Variants in CCNJL observed in about 807,000 individuals in gnomAD.
CCNJL encodes cyclin J like.
Under a neutral mutation model 33.4 loss-of-function variants are expected in CCNJL, and 33 were observed. The ratio of observed to expected loss-of-function variants is 0.99; its 90% CI spans 0.75 to 1.32. The LOEUF is 1.32. Ranked by LOEUF, CCNJL falls within the 40% of genes most tolerant of loss-of-function variation. The pLI is 0.00. For missense variants in CCNJL, 512 were observed against 499.7 expected (o/e 1.02, Z -0.23); for synonymous variants, 227 against 220.9 (o/e 1.03, Z -0.24).
At chr5:160,268,445 C>T (rs1027752274) in intron 3 of CCNJL, among the ~76,000 whole-genome samples, 9 of 152,192 alleles carry the variant, frequency 5.9e-5, no homozygotes, top group African/African-American at 2.2e-4. Flanking sequence ...GACATGATGG[C>T]TTAGTGTGCT....
chr5:160,272,557 G>A (rs1369039255), intron 3 of CCNJL, among the ~76,000 whole-genome samples: 1 of 152,230 alleles, frequency 6.6e-6, no homozygotes, highest in Admixed American at 6.5e-5. Context: ...GGACACGGGT[G>A]AGGGGCCGGG....
At chr5:160,335,728 T>C (rs1183752112) in intron 1 of CCNJL, among the ~76,000 whole-genome samples, 4 of 148,958 alleles carry the variant, frequency 2.7e-5, no homozygotes, top group African/African-American at 4.9e-5. Flanking sequence ...AATGCCATCA[T>C]GTCTAATTTT....
At chr5:160,295,412 C>CG (rs1160951622) in intron 2 of CCNJL, among the ~76,000 whole-genome samples, 1 of 152,152 alleles carries the variant, frequency 6.6e-6, no homozygotes, top group Non-Finnish European at 1.5e-5. Flanking sequence ...CTCTTGAACC[C>CG]GGGCACTGGA....
upstream of CCNJL, among the ~76,000 whole-genome samples, chr5:160,317,777 CCT>C (rs905592977): frequency 6.6e-6 from 1 of 152,176 alleles, no homozygotes; most frequent in Non-Finnish European, 1.5e-5. Flanking sequence ...AGAGAACTTT[CCT>C]CTCTCACGAT....
chr5:160,306,227 TG>T (rs1561805662), intron 2 of CCNJL, among the ~76,000 whole-genome samples: 1 of 136,828 alleles, frequency 7.3e-6, no homozygotes, highest in Non-Finnish European at 1.5e-5. Flanking sequence ...GCCAAAATCA[TG>T]CCACTGCTCT....
Position 160,311,966 on chromosome 5 carries a change from G to A in CCNJL, c.-43C>T. 3 of 1,592,926 alleles carry A rather than the reference G, an allele frequency of 1.9e-6. No homozygotes were observed. In the Middle Eastern group the frequency reaches 5.0e-4, roughly 266 times the overall value. ...TATCCGAGGCTACCCGGCTCTCAGG[G>A]CGCACCCTGCGTGGACACGGGCAAC... On this transcript the variant is annotated 5_prime_UTR_variant, in exon 2 of 6. Transcript: ENST00000257536.
intron 1 of CCNJL, chr5:160,326,901 G>A (rs1220535007): frequency 1.8e-5 from 12 of 675,356 alleles, no homozygotes; most frequent in Admixed American, 1.3e-4. Flanking sequence ...CTAAAACAAA[G>A]TCATGAATAC....
intron 2 of CCNJL, among the ~76,000 whole-genome samples, chr5:160,299,590 G>A (rs1762860391): frequency 6.7e-6 from 1 of 150,212 alleles, no homozygotes; most frequent in South Asian, 2.1e-4. Flanking sequence ...TTTTAGGTGT[G>A]AAAATGGCAT....
At chr5:160,312,593 G>A (rs1763311470), upstream of CCNJL, 1 of 151,598 alleles carries the variant, frequency 6.6e-6, no homozygotes, top group Non-Finnish European at 1.5e-5. Flanking sequence ...TCCCTCGCTG[G>A]GGGAATTGGG....
upstream of CCNJL, chr5:160,312,992 C>T (rs539662301): frequency 6.6e-6 from 1 of 151,970 alleles, no homozygotes; most frequent in East Asian, 1.9e-4. Flanking sequence ...TGAAACCCGC[C>T]CTGCCATGGG....
rs1236012341 is a variant in CCNJL, at chr5:160,277,752, T to TG, written c.280+2772_280+2773insC. 1.0e-3 allele frequency among the ~76,000 whole-genome samples: 154 copies of TG among 151,172 alleles called. 1 individual carries two copies. The highest frequency in any genetic ancestry group is 3.2e-3 in the African/African-American group (132 of 41,138). On this transcript the variant is annotated intron_variant, in intron 3 of 5. Coordinates refer to ENST00000257536, the MANE Select transcript of CCNJL (RefSeq NM_001308173.3). ...CTGCTTCCTGTCTATCTGTTTTTTTTTTTTTTTTTTGAGATGGAGTTTTGC... is the reference window on the plus strand; with the variant it reads ...CTGCTTCCTGTCTATCTGTTTTTTTTGTTTTTTTTTTGAGATGGAGTTTTGC...
At chr5:160,278,802 C>T (rs779414113) in intron 3 of CCNJL, among the ~76,000 whole-genome samples, 6 of 152,338 alleles carry the variant, frequency 3.9e-5, no homozygotes, top group South Asian at 2.1e-4. Context: ...GGCCAAAGGC[C>T]GTGGCGCAAA....
intron 4 of CCNJL, among the ~76,000 whole-genome samples, chr5:160,257,910 G>A (rs533159409): frequency 8.6e-5 from 13 of 150,920 alleles, no homozygotes; most frequent in African/African-American, 2.9e-4. Flanking sequence ...TCAATGGCAC[G>A]ATCTCGGCTC....
At chr5:160,295,355 G>A (rs2113404560) in intron 2 of CCNJL, among the ~76,000 whole-genome samples, 1 of 152,240 alleles carries the variant, frequency 6.6e-6, no homozygotes, top group East Asian at 1.9e-4. Flanking sequence ...TGGGCATGGT[G>A]GTGCACACCC....
chr5:160,311,875 A>G lies in CCNJL; in HGVS notation c.49T>C (p.Cys17Arg), dbSNP rs1461323414. The stretch of plus-strand genomic sequence containing the variant: ...GGACTGACCTTCTCGCGCAGGGTGC[A>G]GTGGACGTCCGAGGCGACGCGCCCT... The part of the protein sequence containing the change: ...WEGRVASDVH[C>R]TLREKELKLP... Residue 17 changes from cysteine to arginine, a missense_variant, in exon 2 of 6, where the codon TGC (cysteine) becomes CGC (arginine). Cys to Arg is a radical substitution (Grantham distance 180). Transcript: ENST00000257536. 6.2e-7 allele frequency: 1 copy of G among 1,614,154 alleles called. No homozygotes were observed. Among genetic ancestry groups the G allele is most frequent in the Non-Finnish European group, 8.5e-7 (1 of 1,179,976 alleles).
At chr5:160,268,951 A>C (rs948480806) in intron 3 of CCNJL, among the ~76,000 whole-genome samples, 4 of 152,276 alleles carry the variant, frequency 2.6e-5, no homozygotes, top group African/African-American at 9.6e-5. Context: ...TCTGGCACAG[A>C]GGCCTTGATA....
chr5:160,312,211 T>G (rs1763288336), intron 1 of CCNJL, among the ~76,000 whole-genome samples, 153 bp downstream of exon 1: 1 of 152,232 alleles, frequency 6.6e-6, no homozygotes, highest in Non-Finnish European at 1.5e-5. Context: ...TCTTCCCTTT[T>G]GCAAAAGTTG....
At chr5:160,321,473 C>T (rs569719389) in intron 1 of CCNJL, among the ~76,000 whole-genome samples, 16 of 152,212 alleles carry the variant, frequency 1.1e-4, no homozygotes, top group Middle Eastern at 3.4e-3. Context: ...GAGGGGCTTC[C>T]GTAGCTTCCA....
At chr5:160,261,250 T>G (rs1419384083) in intron 3 of CCNJL, 5 of 152,116 alleles carry the variant, frequency 3.3e-5, no homozygotes, top group Non-Finnish European at 7.3e-5. Context: ...CAAGCCAGGG[T>G]TGCTCCCTTC....
Sources: gnomAD v4.1 joint callset for allele counts (sites outside exome capture counted in the v4.1 genomes callset) on GRCh38, gnomAD v4.1.1 for gene constraint, MANE v1.5 for transcripts, NCBI Gene and HGNC (gene_info 2026-07-23, HGNC 2026-07-21) for gene names.